Variants in RALYL observed in about 807,000 individuals in gnomAD.
RALYL encodes the protein RALY RNA binding protein like.
RALYL carries 29 observed loss-of-function variants against 35.1 expected under a neutral mutation model. That is an observed-to-expected ratio of 0.83 (90% CI 0.61 to 1.13). The LOEUF is 1.13. Ranked by LOEUF, RALYL falls within the 50% of genes most tolerant of loss-of-function variation. The pLI is 0.00. For missense variants in RALYL, 359 were observed against 360.4 expected, an observed-to-expected ratio of 1.00 and a Z score of 0.03; for synonymous variants, 120 against 127.6, an observed-to-expected ratio of 0.94 and a Z score of 0.40.
At chr8:84,269,045 T>C (rs1289858369) in intron 1 of RALYL, among the ~76,000 whole-genome samples, 1 of 152,136 alleles carries the variant, frequency 6.6e-6, no homozygotes, top group Non-Finnish European at 1.5e-5. Context: ...AATGGTGAAA[T>C]CACATTGCAT....
chr8:84,503,863 C>G (rs1454614789), intron 1 of RALYL, among the ~76,000 whole-genome samples: 2 of 111,500 alleles, frequency 1.8e-5, no homozygotes, highest in Non-Finnish European at 3.9e-5. Flanking sequence ...GACTCTGTCT[C>G]AAAGAAAAAA....
intron 1 of RALYL, among the ~76,000 whole-genome samples, chr8:84,221,420 C>T (rs370775407): frequency 5.9e-5 from 9 of 152,048 alleles, no homozygotes; most frequent in East Asian, 1.9e-4. Context: ...CACTTTGATA[C>T]GAAGTCAGCA....
At chr8:84,367,017 G>A (rs1423171021) in intron 1 of RALYL, among the ~76,000 whole-genome samples, 1 of 151,514 alleles carries the variant, frequency 6.6e-6, no homozygotes, top group African/African-American at 2.4e-5. Context: ...GTACCGTGGT[G>A]TTCGGGGAAA....
intron 1 of RALYL, among the ~76,000 whole-genome samples, chr8:84,283,580 G>C (rs1036820157): frequency 1.3e-5 from 2 of 152,126 alleles, no homozygotes; most frequent in African/African-American, 4.8e-5. Flanking sequence ...AAGTAAAAGA[G>C]ACTAGGTCCT....
intron 1 of RALYL, among the ~76,000 whole-genome samples, chr8:84,395,788 T>A (rs1302690556): frequency 2.0e-5 from 3 of 151,800 alleles, no homozygotes; most frequent in African/African-American, 7.2e-5. Context: ...TTTGGTAAAA[T>A]CTCTATCTTT....
chr8:84,459,517 G>A (rs796093185), intron 1 of RALYL, among the ~76,000 whole-genome samples: 3 of 151,866 alleles, frequency 2.0e-5, no homozygotes, highest in East Asian at 1.9e-4. Flanking sequence ...TATCATGACA[G>A]CAATGGGGAG....
intron 1 of RALYL, among the ~76,000 whole-genome samples, chr8:84,487,215 A>G (rs1401740567): frequency 1.3e-5 from 2 of 152,084 alleles, no homozygotes; most frequent in African/African-American, 4.8e-5. Context: ...AAAATAACCA[A>G]ATCAGTTTTT....
chr8:84,665,688 T>C (rs1178194054), intron 2 of RALYL: 4 of 152,082 alleles, frequency 2.6e-5, no homozygotes, highest in Non-Finnish European at 5.9e-5. Flanking sequence ...TATTTGAATC[T>C]TCTCTTTTTT....
At chr8:84,379,940 A>G (rs944731305) in intron 1 of RALYL, among the ~76,000 whole-genome samples, 10 of 151,778 alleles carry the variant, frequency 6.6e-5, no homozygotes, top group Non-Finnish European at 1.2e-4. Context: ...ATTAAACATC[A>G]TAATAGTTAG....
chr8:84,234,735 A>G (rs1412072885), intron 1 of RALYL, among the ~76,000 whole-genome samples: 2 of 151,914 alleles, frequency 1.3e-5, no homozygotes, highest in African/African-American at 4.8e-5. Flanking sequence ...TCATTAAAGT[A>G]TTTACTAAAT....
At chr8:84,417,440 A>G (rs1255714939) in intron 1 of RALYL, among the ~76,000 whole-genome samples, 1 of 152,138 alleles carries the variant, frequency 6.6e-6, no homozygotes, top group Non-Finnish European at 1.5e-5. Context: ...TTTTCTTTTC[A>G]TGGTGACACT....
intron 2 of RALYL, among the ~76,000 whole-genome samples, chr8:84,760,280 T>C (rs1353839312): frequency 6.6e-6 from 1 of 152,100 alleles, no homozygotes; most frequent in Non-Finnish European, 1.5e-5. Flanking sequence ...GAACAGAGCA[T>C]GGTGGTAAAA....
chr8:84,498,294 A>T (rs969466052), intron 1 of RALYL, among the ~76,000 whole-genome samples: 5 of 151,934 alleles, frequency 3.3e-5, no homozygotes, highest in African/African-American at 1.2e-4. Flanking sequence ...TTATCCTAGG[A>T]TATTGTTCCC....
chr8:84,797,110 G>A (rs958225453), intron 3 of RALYL, among the ~76,000 whole-genome samples: 2 of 152,168 alleles, frequency 1.3e-5, no homozygotes, highest in Non-Finnish European at 2.9e-5. Flanking sequence ...AAAATCAAGA[G>A]GCAGTGTCTA....
chr8:84,228,529 C>T (rs1176592229), intron 1 of RALYL, among the ~76,000 whole-genome samples: 1 of 152,048 alleles, frequency 6.6e-6, no homozygotes, highest in Non-Finnish European at 1.5e-5. Flanking sequence ...AAGAGAATCT[C>T]CAAAATTGGC....
chr8:84,790,997 G>A (rs1455142062), intron 3 of RALYL, among the ~76,000 whole-genome samples: 1 of 152,102 alleles, frequency 6.6e-6, no homozygotes, highest in Non-Finnish European at 1.5e-5. Flanking sequence ...GCAACTTTAG[G>A]CTAAATTTGA....
chr8:84,919,202 A>G (rs1848936684), intron 8 of RALYL, among the ~76,000 whole-genome samples: 2 of 152,106 alleles, frequency 1.3e-5, no homozygotes, highest in South Asian at 4.1e-4. Context: ...AAAGTGATCA[A>G]TGGAGGCCTT....
intron 1 of RALYL, among the ~76,000 whole-genome samples, chr8:84,490,752 A>C (rs1259998690): frequency 6.6e-6 from 1 of 151,156 alleles, no homozygotes; most frequent in Non-Finnish European, 1.5e-5. Flanking sequence ...TTTTTGATTG[A>C]GGGTGAATCA....
intron 2 of RALYL, among the ~76,000 whole-genome samples, chr8:84,641,164 T>C (rs1338281007): frequency 6.6e-6 from 1 of 151,416 alleles, no homozygotes; most frequent in Non-Finnish European, 1.5e-5. Flanking sequence ...TATTTTATAT[T>C]GATAACTTTC....
Sources: allele counts gnomAD v4.1 joint callset (sites outside exome capture counted in the v4.1 genomes callset), GRCh38; gene constraint gnomAD v4.1.1; transcripts MANE v1.5; gene names NCBI Gene and HGNC (gene_info 2026-07-23, HGNC 2026-07-21).